Variants in GRM7 observed in about 807,000 individuals in gnomAD.
The protein encoded by GRM7 is metabotropic glutamate receptor 7.
Under a neutral mutation model 84.5 loss-of-function variants are expected in GRM7, and 35 were observed. The ratio of observed to expected loss-of-function variants is 0.41; its 90% CI spans 0.32 to 0.55. GRM7 has a LOEUF of 0.55. Among genes scored for constraint, GRM7 ranks in the 20% least tolerant of loss-of-function variants. The pLI is 0.19. For synonymous variants in GRM7, 487 were observed against 455.1 expected (o/e 1.07, Z -0.89); for missense variants, 1,003 against 1,194.6 (o/e 0.84, Z 2.36).
intron 1 of GRM7, among the ~76,000 whole-genome samples, chr3:6,936,298 C>T (rs1697690956): frequency 2.0e-5 from 3 of 152,198 alleles, no homozygotes; most frequent in Admixed American, 1.3e-4. Flanking sequence ...TTTGGTAAGA[C>T]ACCTCCCCAT....
At chr3:7,586,505 G>T (rs1400171088) in intron 8 of GRM7, among the ~76,000 whole-genome samples, 4 of 152,058 alleles carry the variant, frequency 2.6e-5, no homozygotes, top group African/African-American at 7.2e-5. Flanking sequence ...ATATTACTCT[G>T]CAGTAAAAAG....
At chr3:6,962,821 T>C (rs960685787) in intron 1 of GRM7, among the ~76,000 whole-genome samples, 1 of 152,150 alleles carries the variant, frequency 6.6e-6, no homozygotes, top group African/African-American at 2.4e-5. Context: ...AGAAGACTAA[T>C]AGCCCAATAG....
At chr3:7,661,687 C>T (rs796976379) in intron 8 of GRM7, among the ~76,000 whole-genome samples, 21 of 147,322 alleles carry the variant, frequency 1.4e-4, no homozygotes, top group African/African-American at 2.7e-4. Context: ...CCAGCTACTC[C>T]GAAGGCTGAG....
intron 1 of GRM7, among the ~76,000 whole-genome samples, chr3:7,064,254 G>A (rs111246500): frequency 0.018 from 2,746 of 149,654 alleles, 92 homozygotes; most frequent in African/African-American, 0.064. Flanking sequence ...TTCCCCCCAA[G>A]TCCCCAAAGT....
chr3:7,508,480 T>C (rs1700100922), intron 7 of GRM7, among the ~76,000 whole-genome samples: 1 of 152,138 alleles, frequency 6.6e-6, no homozygotes, highest in Admixed American at 6.6e-5. Context: ...TGCACACACA[T>C]ATGAATATAT....
At chr3:7,266,411 C>T (rs1698642046) in intron 2 of GRM7, among the ~76,000 whole-genome samples, 1 of 152,090 alleles carries the variant, frequency 6.6e-6, no homozygotes, top group South Asian at 2.1e-4. Context: ...TGGAGTTACT[C>T]AGCGTAGGTA....
intron 1 of GRM7, among the ~76,000 whole-genome samples, chr3:7,001,327 G>C (rs763700115): frequency 6.6e-6 from 1 of 152,086 alleles, no homozygotes; most frequent in Admixed American, 6.5e-5. Flanking sequence ...TCCAACCTGG[G>C]TGACAGAGTG....
At chr3:7,314,716 G>A (rs1700522266) in intron 4 of GRM7, among the ~76,000 whole-genome samples, 1 of 152,010 alleles carries the variant, frequency 6.6e-6, no homozygotes. Flanking sequence ...AGATATTTAA[G>A]ATAATTGATT....
chr3:7,103,749 CCTTTCTTTCTTT>C (rs55840104), intron 1 of GRM7, among the ~76,000 whole-genome samples: 7,727 of 96,504 alleles, frequency 0.08, 373 homozygotes, highest in Middle Eastern at 0.096. Flanking sequence ...TCTCTCTCTC[CCTTTCTTTCTTT>C]CTTTCTTTCT....
At chr3:7,592,106 G>A (rs1695812779) in intron 8 of GRM7, among the ~76,000 whole-genome samples, 1 of 152,028 alleles carries the variant, frequency 6.6e-6, no homozygotes, top group Non-Finnish European at 1.5e-5. Context: ...ATATATATAT[G>A]TGTGTGTAGC....
intron 4 of GRM7, among the ~76,000 whole-genome samples, chr3:7,357,781 A>G (rs1458349473): frequency 6.6e-6 from 1 of 152,098 alleles, no homozygotes; most frequent in East Asian, 1.9e-4. Flanking sequence ...TATTTCCACT[A>G]TAATTTTCTT....
chr3:7,209,620 C>T (rs571134613), intron 2 of GRM7, among the ~76,000 whole-genome samples: 1 of 152,016 alleles, frequency 6.6e-6, no homozygotes, highest in Non-Finnish European at 1.5e-5. Context: ...GTGGAATGTA[C>T]GAGAAACACG....
intron 9 of GRM7, among the ~76,000 whole-genome samples, chr3:7,689,114 G>T (rs995897126): frequency 6.6e-6 from 1 of 152,198 alleles, no homozygotes; most frequent in African/African-American, 2.4e-5. Context: ...CAGGAAATAA[G>T]TTTTGTTAGG....
chr3:7,213,050 G>C (rs1696482679), intron 2 of GRM7, among the ~76,000 whole-genome samples: 1 of 152,184 alleles, frequency 6.6e-6, no homozygotes, highest in Non-Finnish European at 1.5e-5. Flanking sequence ...TTACCATCCT[G>C]ATTCTGTTCT....
At chr3:7,479,841 C>T (rs953089501) in intron 7 of GRM7, among the ~76,000 whole-genome samples, 2 of 152,020 alleles carry the variant, frequency 1.3e-5, no homozygotes, top group Admixed American at 1.3e-4. Flanking sequence ...TGCATGCTGA[C>T]TCTCCATCTG....
chr3:7,516,476 C>CAAAAAAA (rs34508559), intron 7 of GRM7, among the ~76,000 whole-genome samples: 20 of 42,462 alleles, frequency 4.7e-4, no homozygotes, highest in South Asian at 1.4e-3. Flanking sequence ...GACTCCCTCT[C>CAAAAAAA]AAAAAAAAAA....
At chr3:7,661,830 C>T (rs950811610) in intron 8 of GRM7, among the ~76,000 whole-genome samples, 1 of 81,326 alleles carries the variant, frequency 1.2e-5, no homozygotes, top group Non-Finnish European at 2.7e-5. Context: ...ATGTAAAATG[C>T]TACTATCAGT....
chr3:7,290,687 G>A (rs2125009894), intron 2 of GRM7, among the ~76,000 whole-genome samples: 1 of 152,224 alleles, frequency 6.6e-6, no homozygotes, highest in South Asian at 2.1e-4. Flanking sequence ...AACCCCAGCA[G>A]CATAACCTCT....
chr3:7,335,852 T>A (rs1456700090), intron 4 of GRM7, among the ~76,000 whole-genome samples: 2 of 151,452 alleles, frequency 1.3e-5, no homozygotes, highest in East Asian at 3.9e-4. Flanking sequence ...ATAGATTAAA[T>A]CAGAAAGAAA....
Sources: allele counts gnomAD v4.1 joint callset (sites outside exome capture counted in the v4.1 genomes callset), GRCh38; gene constraint gnomAD v4.1.1; transcripts MANE v1.5; gene names NCBI Gene and HGNC (gene_info 2026-07-23, HGNC 2026-07-21).